ALG13: variants seen among roughly 807,000 people sequenced by gnomAD.
The protein encoded by ALG13 is UDP-N-acetylglucosamine transferase subunit ALG13.
ALG13 carries 11 observed loss-of-function variants against 87.8 expected under a neutral mutation model. The ratio of observed to expected loss-of-function variants is 0.13; its 90% CI spans 0.08 to 0.21. The LOEUF (loss-of-function observed/expected upper bound fraction) is 0.21, where lower values mean the gene tolerates loss of function less well. Among genes scored for constraint, ALG13 ranks in the 10% least tolerant of loss-of-function variants. The pLI, the probability that ALG13 is intolerant of heterozygous loss-of-function variation, is 1.00. For missense variants in ALG13, 756 were observed against 866.1 expected (o/e 0.87, Z 1.60); for synonymous variants, 320 against 306.3 (o/e 1.04, Z -0.47).
At chrX:111,730,659 A>G in intron 21 of ALG13, 79 bp downstream of exon 21, 1 of 779,922 alleles carries the variant, frequency 1.3e-6, no homozygotes, top group Non-Finnish European at 1.8e-6. Context: ...ATATAAATGT[A>G]TTTAAATCAG....
intron 26 of ALG13, among the ~76,000 whole-genome samples, chrX:111,757,967 T>C (rs777663565): frequency 4.5e-5 from 5 of 111,397 alleles, no homozygotes; most frequent in Non-Finnish European, 9.4e-5. Flanking sequence ...AGAGTTTATT[T>C]GCCCCTTTCA....
chrX:111,729,533 T>TGG lies in ALG13; in HGVS notation c.2369-862_2369-861insGG, dbSNP rs376724859. Among the ~76,000 whole-genome samples the TGG allele has an allele frequency of 3.6e-3, 406 of 111,819 alleles. 3 individuals are homozygous for TGG. Among genetic ancestry groups the TGG allele is most frequent in the African/African-American group, 0.013 (386 of 30,799 alleles). ...TCTGCTCTCTTATTTAGATGACCCT[T>TGG]TTGTCTTTTAGCTCTATGGGTAGTG... On this transcript the variant is annotated intron_variant, in intron 19 of 26. Transcript: ENST00000394780.
intron 3 of ALG13, among the ~76,000 whole-genome samples, chrX:111,692,838 C>T (rs1313321266): frequency 2.7e-5 from 3 of 111,696 alleles, no homozygotes; most frequent in Non-Finnish European, 3.8e-5. Flanking sequence ...TCTCTGTCAC[C>T]GAGGCTGGAG....
At chrX:111,734,084 A>AT (rs1164452604) in intron 21 of ALG13, among the ~76,000 whole-genome samples, 1 of 110,983 alleles carries the variant, frequency 9.0e-6, no homozygotes, top group Non-Finnish European at 1.9e-5. Flanking sequence ...GATTGTGAAG[A>AT]TTTTCTCCCA....
chrX:111,732,832 C>A (rs762818800), intron 21 of ALG13, among the ~76,000 whole-genome samples: 1 of 111,308 alleles, frequency 9.0e-6, no homozygotes, highest in Non-Finnish European at 1.9e-5. Context: ...AAGTTTTTTC[C>A]CCCATTTCCT....
At chrX:111,752,914 A>G (rs1944886953) in intron 25 of ALG13, 84 bp downstream of exon 25, 1 of 689,818 alleles carries the variant, frequency 1.4e-6, no homozygotes, top group East Asian at 3.5e-5. Context: ...GAACTTCGAA[A>G]GCCAAAATCA....
intron 3 of ALG13, among the ~76,000 whole-genome samples, chrX:111,685,919 G>A (rs745832205): frequency 8.6e-4 from 96 of 112,111 alleles, no homozygotes; most frequent in South Asian, 1.5e-3. Context: ...TGTTGCAGGA[G>A]CATAGTGAGC....
At chrX:111,691,760 T>C (rs1251554067) in intron 3 of ALG13, among the ~76,000 whole-genome samples, 2 of 112,290 alleles carry the variant, frequency 1.8e-5, no homozygotes, top group Non-Finnish European at 3.8e-5. Flanking sequence ...CATAGGTGTA[T>C]AACCTTTTTG....
chrX:111,709,746 T>A (rs12837012), intron 5 of ALG13, among the ~76,000 whole-genome samples: 1 of 110,164 alleles, frequency 9.1e-6, no homozygotes, highest in Non-Finnish European at 1.9e-5. Context: ...CTGTTTATTG[T>A]GGGTATTCGC....
chrX:111,719,236 A>G (rs1435994073), intron 10 of ALG13, among the ~76,000 whole-genome samples: 1 of 110,336 alleles, frequency 9.1e-6, no homozygotes, highest in Non-Finnish European at 1.9e-5. Context: ...AGGTTTAGCC[A>G]GGATGATCTT....
At chrX:111,681,460 C>T in intron 1 of ALG13, 161 bp downstream of exon 1, 1 of 1,083,332 alleles carries the variant, frequency 9.2e-7, no homozygotes. Flanking sequence ...TGCCCACGCC[C>T]GGCGGGGCCC....
intron 3 of ALG13, chrX:111,688,859 T>C: frequency 2.7e-6 from 2 of 753,042 alleles, no homozygotes; most frequent in South Asian, 6.7e-5. Context: ...TCTTTCTGAT[T>C]AGAGTGTGTG....
At chrX:111,719,152 G>T (rs769935573) in intron 10 of ALG13, among the ~76,000 whole-genome samples, 2 of 107,141 alleles carry the variant, frequency 1.9e-5, no homozygotes. Flanking sequence ...TCAGCCTCCC[G>T]AGTAGCTGGG....
intron 5 of ALG13, among the ~76,000 whole-genome samples, chrX:111,710,352 C>T (rs749342995): frequency 3.6e-5 from 4 of 111,213 alleles, no homozygotes; most frequent in Admixed American, 9.5e-5. Flanking sequence ...GCATTTTTAA[C>T]GAACTGAAGT....
At chrX:111,754,417 T>C (rs769990466) in intron 25 of ALG13, among the ~76,000 whole-genome samples, 1 of 111,956 alleles carries the variant, frequency 8.9e-6, no homozygotes, top group Admixed American at 9.5e-5. Flanking sequence ...TAGGAAGTTC[T>C]GGCCAGGGCA....
intron 3 of ALG13, among the ~76,000 whole-genome samples, chrX:111,693,863 A>G (rs1569513018): frequency 1.8e-5 from 2 of 110,681 alleles, no homozygotes; most frequent in Non-Finnish European, 3.8e-5. Context: ...GAAAGTTTGC[A>G]GGACCTCATG....
At chrX:111,722,652 C>T (rs1363338477) in intron 12 of ALG13, 141 bp from the exon 13 acceptor site, 5 of 433,092 alleles carry the variant, frequency 1.2e-5, no homozygotes, top group Non-Finnish European at 2.0e-5. Flanking sequence ...ATGATAGAAT[C>T]GCCCTTTGGG....
In ALG13 at chrX:111,730,170, T is replaced by TAA. The variant is rs1377465252; in HGVS notation, c.2369-224_2369-223dup. ...TCACTTCTGCCTGACCTCTAAGAGC[T>TAA]AAGTGGATTTTCAGAGGAGAAATTT... On this transcript the variant is annotated intron_variant, in intron 19 of 26. Transcript: ENST00000394780. 4.5e-5 allele frequency among the ~76,000 whole-genome samples: 5 copies of TAA among 111,972 alleles called. No individual in the cohort carries two copies. The Admixed American group carries it at 4.8e-4, about 11-fold the overall frequency.
Position 111,760,048 on chromosome X carries a change from T to G in ALG13, c.*49T>G, listed in dbSNP as rs750013145. The stretch of plus-strand genomic sequence containing the variant: ...TGCACTGCCATTTTCTTGCTGTTTT[T>G]GTTTTTAAAAAGTATTTTATGTTAG... On this transcript the variant is annotated 3_prime_UTR_variant, in exon 27 of 27. Coordinates refer to ENST00000394780, the MANE Select transcript of ALG13 (RefSeq NM_001099922.3). The G allele has an allele frequency of 8.6e-7, 1 of 1,156,318 alleles. No individual in the cohort carries two copies. The highest frequency in any genetic ancestry group is 2.4e-4 in the Middle Eastern group (1 of 4,125).
Sources: allele counts gnomAD v4.1 joint callset (sites outside exome capture counted in the v4.1 genomes callset), GRCh38; gene constraint gnomAD v4.1.1; transcripts MANE v1.5; gene names NCBI Gene and HGNC (gene_info 2026-07-23, HGNC 2026-07-21).